HLCS: variants seen among roughly 807,000 people sequenced by gnomAD.
HLCS encodes biotin--protein ligase.
HLCS carries 53 observed loss-of-function variants against 75.0 expected under a neutral mutation model. The observed-to-expected ratio is 0.71, with a 90% CI of 0.57 to 0.89. The LOEUF (loss-of-function observed/expected upper bound fraction) is 0.89, where lower values mean the gene tolerates loss of function less well. Ranked by LOEUF, HLCS falls within the 40% of genes least tolerant of loss-of-function variation. The probability of loss-of-function intolerance (pLI) is 0.00; values close to 1 mark genes in which losing one functional copy is unlikely to be tolerated. For synonymous variants in HLCS, 431 were observed against 428.6 expected (o/e 1.01, Z -0.07); for missense variants, 966 against 1,074.0 (o/e 0.90, Z 1.41).
intron 6 of HLCS, among the ~76,000 whole-genome samples, chr21:36,874,411 AAAT>A: frequency 6.6e-6 from 1 of 151,138 alleles, no homozygotes; most frequent in Non-Finnish European, 1.5e-5. Context: ...CAAAAAAATA[AAAT>A]AAAATAAAAT....
intron 2 of HLCS, among the ~76,000 whole-genome samples, chr21:36,956,869 T>C (rs1010095189): frequency 1.3e-5 from 2 of 151,484 alleles, no homozygotes; most frequent in African/African-American, 4.9e-5. Flanking sequence ...CTGGCCAACA[T>C]GGTAAAACCC....
chr21:36,988,454 T>C (rs920367044), intron 1 of HLCS, among the ~76,000 whole-genome samples: 4 of 152,232 alleles, frequency 2.6e-5, no homozygotes, highest in Admixed American at 6.5e-5. Flanking sequence ...CAATTGCCTA[T>C]GTATTGGCAC....
chr21:36,770,960 C>T (rs888620370), intron 6 of HLCS, among the ~76,000 whole-genome samples: 2 of 152,170 alleles, frequency 1.3e-5, no homozygotes, highest in African/African-American at 4.8e-5. Flanking sequence ...TGGTTCCCGC[C>T]TGTAATCCCA....
intron 5 of HLCS, among the ~76,000 whole-genome samples, chr21:36,927,217 T>C (rs1445431300): frequency 6.6e-6 from 1 of 152,250 alleles, no homozygotes; most frequent in Non-Finnish European, 1.5e-5. Context: ...GCCCACAGCC[T>C]GCATCTCAGC....
intron 6 of HLCS, among the ~76,000 whole-genome samples, chr21:36,806,678 TG>T (rs1569036812): frequency 6.6e-6 from 1 of 152,122 alleles, no homozygotes; most frequent in Non-Finnish European, 1.5e-5. Flanking sequence ...GTGGGAGGAA[TG>T]GGACGAGGTA....
At chr21:36,964,892 C>A (rs1475312887) in intron 1 of HLCS, among the ~76,000 whole-genome samples, 3 of 152,170 alleles carry the variant, frequency 2.0e-5, no homozygotes, top group African/African-American at 7.2e-5. Context: ...AAAAAGCTCA[C>A]CCCTCAATTT....
chr21:36,875,177 G>C (rs1315749717), intron 6 of HLCS, among the ~76,000 whole-genome samples: 2 of 151,764 alleles, frequency 1.3e-5, no homozygotes, highest in African/African-American at 4.8e-5. Flanking sequence ...CATGTTGATG[G>C]CAGCGGGAGG....
Position 36,751,504 on chromosome 21 carries a change from G to C in HLCS, c.*2742C>G, listed in dbSNP as rs2089362966. The stretch of plus-strand genomic sequence containing the variant: ...GACCATGCTGTATATGCTGTGCCTT[G>C]GGGGACCCCCAGAGGCTGCGCTCTG... On this transcript the variant is annotated 3_prime_UTR_variant, in exon 11 of 11. Transcript: ENST00000674895. 6.6e-6 allele frequency: 1 copy of C among 152,308 alleles called. No homozygotes were observed. The highest frequency in any genetic ancestry group is 2.4e-5 in the African/African-American group (1 of 41,480). The allele number at this position is 152,308 out of a possible 1,614,324, so 9.4% of individuals were successfully genotyped here. A position where few individuals can be genotyped will look rare whatever the true frequency, so the allele number is the denominator to read the frequency against.
At chr21:36,924,450 C>A (rs922455820) in intron 5 of HLCS, among the ~76,000 whole-genome samples, 1 of 152,112 alleles carries the variant, frequency 6.6e-6, no homozygotes, top group African/African-American at 2.4e-5. Flanking sequence ...ACCCCAGCTA[C>A]TTGGGAGGCT....
chr21:36,903,165 T>A (rs987688198), intron 5 of HLCS, among the ~76,000 whole-genome samples: 1 of 152,190 alleles, frequency 6.6e-6, no homozygotes, highest in African/African-American at 2.4e-5. Context: ...TTGGGTCCTA[T>A]CACAGTACTA....
chr21:36,756,608 A>C lies in HLCS; in HGVS notation c.2384T>G (p.Ile795Ser). 6.2e-7 allele frequency: 1 copy of C among 1,614,182 alleles called. No individual in the cohort carries two copies. The highest frequency in any genetic ancestry group is 8.5e-7 in the Non-Finnish European group (1 of 1,180,032). The change falls in exon 10 of 11, where the codon ATC becomes AGC. Residue 795 changes from isoleucine to serine, a missense_variant. By Grantham distance (142) the Ile-to-Ser change is moderately radical. Coordinates refer to ENST00000674895, the MANE Select transcript of HLCS (RefSeq NM_001352514.2). ...ARVVTVLEKLIKEFQDKGPNS... is the reference protein window; with the variant it reads ...ARVVTVLEKLSKEFQDKGPNS... ...GGGCCCTTTGTCCTGAAACTCTTTGATCAGTTTCTCCAGCACAGTCACGAC... is the reference window on the plus strand; with the variant it reads ...GGGCCCTTTGTCCTGAAACTCTTTGCTCAGTTTCTCCAGCACAGTCACGAC...
In HLCS at chr21:36,938,734, C is replaced by T. The variant is rs2067005836; in HGVS notation, c.493+98G>A. ...CTCAGGCTGGTCTCGAACTCCTGGG[C>T]TCCAAGCGATCCTCCTGCCTCGGCC... is the stretch of plus-strand genomic sequence containing the variant. On this transcript the variant is annotated intron_variant, in intron 3 of 10. Coordinates refer to ENST00000674895, the MANE Select transcript of HLCS (RefSeq NM_001352514.2). 5.6e-6 allele frequency: 7 copies of T among 1,254,584 alleles called. No homozygotes were observed. The East Asian group carries it at 1.2e-4, about 21-fold the overall frequency. The allele number at this position is 1,254,584 out of a possible 1,614,324, so 77.7% of individuals were successfully genotyped here.
At chr21:36,966,944 G>C (rs1052434289), upstream of HLCS, among the ~76,000 whole-genome samples, 2 of 151,622 alleles carry the variant, frequency 1.3e-5, no homozygotes, top group Non-Finnish European at 3.0e-5. Flanking sequence ...GGGGACGCCG[G>C]GGCTGCACCC....
intron 2 of HLCS, among the ~76,000 whole-genome samples, chr21:36,950,822 C>A (rs1041932563): frequency 6.6e-6 from 1 of 152,158 alleles, no homozygotes; most frequent in Admixed American, 6.5e-5. Flanking sequence ...CATGAAAAAA[C>A]ACACACAGCA....
rs538766325 is a variant in HLCS at position 36,772,852 on chromosome 21, G to A, written c.1893-5567C>T. Among the ~76,000 whole-genome samples, 24 of 151,568 alleles carry A rather than the reference G, an allele frequency of 1.6e-4. 1 individual carries two copies. Among genetic ancestry groups the A allele is most frequent in the Middle Eastern group, 3.4e-3 (1 of 292 alleles). Reference sequence around the variant, plus strand: ...AGAAATTAGCTGGGCATGGTGGCGCGCACCTGTAGTCCCAGCTACTCGAGA... The same window carrying A: ...AGAAATTAGCTGGGCATGGTGGCGCACACCTGTAGTCCCAGCTACTCGAGA... On this transcript the variant is annotated intron_variant, in intron 6 of 10. Transcript: ENST00000674895.
chr21:36,838,330 C>CACA (rs1480562550), intron 6 of HLCS, among the ~76,000 whole-genome samples: 3,293 of 138,546 alleles, frequency 0.024, 128 homozygotes, highest in African/African-American at 0.076. Flanking sequence ...ACACACACAC[C>CACA]CCCACAACCA....
At chr21:36,805,634 T>A (rs898330392) in intron 6 of HLCS, among the ~76,000 whole-genome samples, 4 of 152,160 alleles carry the variant, frequency 2.6e-5, no homozygotes, top group Non-Finnish European at 5.9e-5. Context: ...CCCAAGTAGA[T>A]AAATGAAGTG....
rs2066929755 is a variant in HLCS, at chr21:36,937,161, G to A, written c.725C>T (p.Pro242Leu). ...CAGATGGAGGTGATAATGCTCAACG[G>A]GGCCCCCTCCCCTGTCACTGTCCCC... ...PAGDSDRGGGPVEHYHLHLSS... is the reference protein window; with the variant it reads ...PAGDSDRGGGLVEHYHLHLSS... Residue 242 changes from proline (P) to leucine (L), a missense_variant, in exon 4 of 11, where the codon CCC becomes CTC. Physicochemically the swap from Pro to Leu is moderately conservative, Grantham distance 98. Coordinates refer to ENST00000674895, the MANE Select transcript of HLCS (RefSeq NM_001352514.2). 6.2e-7 allele frequency: 1 copy of A among 1,613,978 alleles called. No individual in the cohort carries two copies. Among genetic ancestry groups the A allele is most frequent in the Non-Finnish European group, 8.5e-7 (1 of 1,180,032 alleles).
chr21:36,861,579 G>C (rs770919717), intron 6 of HLCS, among the ~76,000 whole-genome samples: 1 of 152,046 alleles, frequency 6.6e-6, no homozygotes, highest in Non-Finnish European at 1.5e-5. Context: ...AGGGCCCATT[G>C]TTCCCCTCTT....
Sources: gnomAD v4.1 joint callset for allele counts (sites outside exome capture counted in the v4.1 genomes callset) on GRCh38, gnomAD v4.1.1 for gene constraint, MANE v1.5 for transcripts, NCBI Gene and HGNC (gene_info 2026-07-23, HGNC 2026-07-21) for gene names.